Variants in PDZRN4 observed in about 807,000 individuals in gnomAD.
PDZRN4 encodes the protein PDZ domain-containing RING finger protein 4.
Under a neutral mutation model 99.0 loss-of-function variants are expected in PDZRN4, and 70 were observed. The observed-to-expected ratio is 0.71, with a 90% CI of 0.58 to 0.86. The LOEUF (loss-of-function observed/expected upper bound fraction) is 0.86. PDZRN4 is among the 40% of genes least tolerant of loss of function. PDZRN4 has a pLI of 0.00. For missense variants in PDZRN4, 1,474 were observed against 1,331.2 expected (o/e 1.11, Z -1.67); for synonymous variants, 551 against 501.6 (o/e 1.10, Z -1.32).
At chr12:41,261,493 G>C (rs1452854218) in intron 3 of PDZRN4, among the ~76,000 whole-genome samples, 1 of 151,104 alleles carries the variant, frequency 6.6e-6, no homozygotes, top group Non-Finnish European at 1.5e-5. Flanking sequence ...CTGTTTGTTT[G>C]TTTTCTTATT....
chr12:41,543,527 A>G (rs1337084149), intron 5 of PDZRN4, among the ~76,000 whole-genome samples: 1 of 152,244 alleles, frequency 6.6e-6, no homozygotes, highest in Non-Finnish European at 1.5e-5. Context: ...CAAATGCTTA[A>G]GGGAAAAAGG....
At position 41,418,864 on chromosome 12, in the gene PDZRN4, T is replaced by C. The variant is rs911053678; in HGVS notation, c.844-87592T>C. Reference sequence around the variant, plus strand: ...GGTGTCAGCTGGGGGGTAACTGCTGTCTCAGATCAGCATCTAGCTGACAAC... The same window carrying C: ...GGTGTCAGCTGGGGGGTAACTGCTGCCTCAGATCAGCATCTAGCTGACAAC... On this transcript the variant is annotated intron_variant, in intron 3 of 9. Coordinates refer to ENST00000402685, the MANE Select transcript of PDZRN4 (RefSeq NM_001164595.2). 2.0e-5 allele frequency among the ~76,000 whole-genome samples: 3 copies of C among 152,224 alleles called. No homozygotes were observed. In the East Asian group the frequency reaches 5.8e-4, roughly 29 times the overall value.
chr12:41,573,364 C>T lies in PDZRN4; in HGVS notation c.2585C>T (p.Ala862Val). Residue 862 changes from alanine (A) to valine (V), a missense_variant, in exon 10 of 10, where the codon GCA (alanine) becomes GTA (valine). Coordinates refer to ENST00000402685, the MANE Select transcript of PDZRN4 (RefSeq NM_001164595.2). ...ATGCAGTTAATTCAACAGAAATCTG[C>T]AGTCGAGTATGCTCAGAGTCAGCTC... is the stretch of plus-strand genomic sequence containing the variant. Reference protein sequence around the residue: ...SYMQLIQQKSAVEYAQSQLSL... With the variant: ...SYMQLIQQKSVVEYAQSQLSL... 1 of 1,613,256 alleles carries T rather than the reference C, an allele frequency of 6.2e-7. No homozygotes were observed. The highest frequency in any genetic ancestry group is 8.5e-7 in the Non-Finnish European group (1 of 1,180,000).
chr12:41,408,976 T>G (rs1352324043), intron 3 of PDZRN4, among the ~76,000 whole-genome samples: 5 of 146,492 alleles, frequency 3.4e-5, no homozygotes, highest in Non-Finnish European at 7.7e-5. Flanking sequence ...ATCTACACAT[T>G]TTCCAACCTA....
At chr12:41,482,654 TA>T (rs1303815180) in intron 3 of PDZRN4, among the ~76,000 whole-genome samples, 1 of 152,126 alleles carries the variant, frequency 6.6e-6, no homozygotes. Context: ...TTTAAGTAAA[TA>T]AGAGAGCTGA....
intron 3 of PDZRN4, among the ~76,000 whole-genome samples, chr12:41,445,833 T>A (rs995262550): frequency 1.2e-4 from 18 of 152,112 alleles, no homozygotes; most frequent in African/African-American, 4.3e-4. Context: ...TCATGTGAAT[T>A]TAGAGTAGCA....
intron 3 of PDZRN4, among the ~76,000 whole-genome samples, chr12:41,209,316 A>C (rs906085208): frequency 1.7e-4 from 25 of 145,742 alleles, no homozygotes; most frequent in African/African-American, 6.1e-4. Flanking sequence ...TGTCAATGGC[A>C]AGTTTTCTTT....
At chr12:41,517,391 G>A (rs1211143805) in intron 5 of PDZRN4, among the ~76,000 whole-genome samples, 1 of 152,064 alleles carries the variant, frequency 6.6e-6, no homozygotes, top group Non-Finnish European at 1.5e-5. Context: ...AGGTGTCTGT[G>A]AAAGGTTGTG....
chr12:41,468,455 A>G (rs1337587036), intron 3 of PDZRN4, among the ~76,000 whole-genome samples: 1 of 152,226 alleles, frequency 6.6e-6, no homozygotes, highest in African/African-American at 2.4e-5. Flanking sequence ...ATAACATAAT[A>G]TCAAAGACAG....
intron 3 of PDZRN4, among the ~76,000 whole-genome samples, chr12:41,292,092 G>A (rs750925215): frequency 6.6e-6 from 1 of 152,182 alleles, no homozygotes; most frequent in Non-Finnish European, 1.5e-5. Context: ...ATGAGTAGCA[G>A]GCGTTAGAGA....
chr12:41,367,202 T>C (rs1277436767), intron 3 of PDZRN4, among the ~76,000 whole-genome samples: 2 of 151,998 alleles, frequency 1.3e-5, no homozygotes, highest in African/African-American at 4.8e-5. Flanking sequence ...GAAACTTGAG[T>C]TGAATGGTAG....
intron 3 of PDZRN4, among the ~76,000 whole-genome samples, chr12:41,354,233 T>C (rs543012245): frequency 6.6e-6 from 1 of 152,170 alleles, no homozygotes; most frequent in African/African-American, 2.4e-5. Flanking sequence ...TCTAAGCAAA[T>C]GGGTTATTGC....
chr12:41,518,868 A>T (rs1938447206), intron 5 of PDZRN4, among the ~76,000 whole-genome samples: 1 of 152,102 alleles, frequency 6.6e-6, no homozygotes, highest in African/African-American at 2.4e-5. Context: ...AGGATTATTG[A>T]TCCCAGGAGT....
chr12:41,411,062 TATA>T lies in PDZRN4; in HGVS notation c.844-95393_844-95391del, dbSNP rs746250666. Among the ~76,000 whole-genome samples, 477 of 125,438 alleles carry T rather than the reference TATA, an allele frequency of 3.8e-3. 6 individuals carry two copies. The highest frequency in any genetic ancestry group is 0.011 in the South Asian group (47 of 4,322). 82.3% of individuals were successfully genotyped at this position (125,438 alleles called of 152,430 possible). Reference sequence around the variant, plus strand: ...CTGAGCTTTAAAATATATATATATATATATATTTTTTTTTTATTTGTAAAGATA... The same window carrying T: ...CTGAGCTTTAAAATATATATATATATTATTTTTTTTTTATTTGTAAAGATA... On this transcript the variant is annotated intron_variant, in intron 3 of 9. Transcript: ENST00000402685.
At chr12:41,323,058 G>T (rs950828639) in intron 3 of PDZRN4, among the ~76,000 whole-genome samples, 6 of 152,164 alleles carry the variant, frequency 3.9e-5, no homozygotes, top group African/African-American at 1.2e-4. Context: ...TCTGGCTGGT[G>T]ATGAAGGTAG....
At chr12:41,197,145 C>T (rs1950778600) in intron 3 of PDZRN4, among the ~76,000 whole-genome samples, 1 of 152,072 alleles carries the variant, frequency 6.6e-6, no homozygotes, top group Non-Finnish European at 1.5e-5. Flanking sequence ...TTGATGCACA[C>T]ATACAAGTTT....
intron 5 of PDZRN4, among the ~76,000 whole-genome samples, chr12:41,536,870 T>G (rs993944335): frequency 2.6e-5 from 4 of 152,190 alleles, no homozygotes; most frequent in African/African-American, 9.6e-5. Flanking sequence ...GTTAGTATGT[T>G]TAACAAAAAG....
chr12:41,522,028 C>G (rs1466800921), intron 5 of PDZRN4, among the ~76,000 whole-genome samples: 1 of 151,960 alleles, frequency 6.6e-6, no homozygotes, highest in Non-Finnish European at 1.5e-5. Flanking sequence ...TTTTTGCAGC[C>G]AGGAAGTTCA....
chr12:41,499,652 A>T (rs1938075817), intron 3 of PDZRN4, among the ~76,000 whole-genome samples: 1 of 152,184 alleles, frequency 6.6e-6, no homozygotes, highest in African/African-American at 2.4e-5. Context: ...CATCCTCAAG[A>T]TTACCTATAA....
Sources: allele counts gnomAD v4.1 joint callset (sites outside exome capture counted in the v4.1 genomes callset), GRCh38; gene constraint gnomAD v4.1.1; transcripts MANE v1.5; gene names NCBI Gene and HGNC (gene_info 2026-07-23, HGNC 2026-07-21).